LPP: variants seen among roughly 807,000 people sequenced by gnomAD.
LPP encodes the protein lipoma-preferred partner.
In LPP, 38 loss-of-function variants were observed where a neutral mutation model predicts 60.4. The ratio of observed to expected loss-of-function variants is 0.63; its 90% CI spans 0.49 to 0.83. The LOEUF (loss-of-function observed/expected upper bound fraction) is 0.83, where lower values mean the gene tolerates loss of function less well. Among genes scored for constraint, LPP ranks in the 40% least tolerant of loss-of-function variants. The pLI is 0.00. For missense variants in LPP, 902 were observed against 783.6 expected (o/e 1.15, Z -1.80); for synonymous variants, 328 against 290.8 (o/e 1.13, Z -1.30).
intron 9 of LPP, among the ~76,000 whole-genome samples, chr3:188,846,324 G>A (rs1485302837): frequency 1.3e-5 from 2 of 152,186 alleles, no homozygotes; most frequent in East Asian, 3.8e-4. Flanking sequence ...AGACTTTACT[G>A]GTTCAGTCAG....
intron 3 of LPP, among the ~76,000 whole-genome samples, chr3:188,359,731 T>G (rs1357440497): frequency 6.6e-6 from 1 of 152,170 alleles, no homozygotes; most frequent in East Asian, 1.9e-4. Context: ...CAACTTGAGC[T>G]TTTCCCTTGT....
At chr3:188,400,887 C>G (rs1020207386) in intron 3 of LPP, among the ~76,000 whole-genome samples, 1 of 152,166 alleles carries the variant, frequency 6.6e-6, no homozygotes, top group South Asian at 2.1e-4. Flanking sequence ...ATGGGTCTCT[C>G]TTAGAAGCCA....
At chr3:188,259,209 A>C (rs903244568) in intron 2 of LPP, among the ~76,000 whole-genome samples, 4 of 152,202 alleles carry the variant, frequency 2.6e-5, no homozygotes, top group Non-Finnish European at 5.9e-5. Context: ...CATATAAAAG[A>C]ATGGCTTCCA....
intron 7 of LPP, among the ~76,000 whole-genome samples, chr3:188,617,157 C>A (rs1180027322): frequency 1.3e-5 from 2 of 152,198 alleles, no homozygotes; most frequent in African/African-American, 4.8e-5. Context: ...AAATAAGAAC[C>A]TTTCCTCTCC....
intron 7 of LPP, among the ~76,000 whole-genome samples, chr3:188,628,313 G>T: frequency 6.7e-6 from 1 of 149,744 alleles, no homozygotes; most frequent in Middle Eastern, 3.5e-3. Context: ...ACCAAAAGCT[G>T]TTTTTTTTTG....
intron 2 of LPP, among the ~76,000 whole-genome samples, chr3:188,251,111 C>G (rs1263254262): frequency 7.0e-6 from 1 of 143,668 alleles, no homozygotes; most frequent in African/African-American, 2.6e-5. Context: ...CTCTTTCTCT[C>G]TATTTTCCTC....
At chr3:188,672,198 T>C (rs1022665041) in intron 7 of LPP, among the ~76,000 whole-genome samples, 4 of 152,284 alleles carry the variant, frequency 2.6e-5, no homozygotes, top group Admixed American at 6.5e-5. Flanking sequence ...AAAACTCACG[T>C]TTATAATCTT....
At chr3:188,827,736 A>G (rs1755965087) in intron 9 of LPP, among the ~76,000 whole-genome samples, 1 of 152,128 alleles carries the variant, frequency 6.6e-6, no homozygotes, top group Non-Finnish European at 1.5e-5. Context: ...AGCATGTAAC[A>G]GCATTATGGG....
intron 7 of LPP, among the ~76,000 whole-genome samples, chr3:188,680,899 A>T (rs920630308): frequency 5.3e-5 from 8 of 152,242 alleles, no homozygotes; most frequent in African/African-American, 1.9e-4. Context: ...GCATTCATGA[A>T]GACTTTCTGG....
At chr3:188,268,781 G>A (rs1308366397) in intron 2 of LPP, among the ~76,000 whole-genome samples, 1 of 152,080 alleles carries the variant, frequency 6.6e-6, no homozygotes, top group Non-Finnish European at 1.5e-5. Context: ...TTCTCCTCGT[G>A]GCAGGAATAA....
chr3:188,639,566 A>C (rs1196139436), intron 7 of LPP, among the ~76,000 whole-genome samples: 2 of 150,686 alleles, frequency 1.3e-5, no homozygotes, highest in African/African-American at 4.9e-5. Context: ...AACTACCATC[A>C]GAGTGAACAG....
At chr3:188,402,885 T>G (rs1782580744) in intron 3 of LPP, among the ~76,000 whole-genome samples, 1 of 152,078 alleles carries the variant, frequency 6.6e-6, no homozygotes, top group African/African-American at 2.4e-5. Context: ...GTTCACAGAG[T>G]TAGAGACATT....
intron 7 of LPP, among the ~76,000 whole-genome samples, chr3:188,680,083 ATGT>A (rs551700446): frequency 3.3e-4 from 50 of 152,294 alleles, no homozygotes; most frequent in Middle Eastern, 3.4e-3. Flanking sequence ...AGAGGAAAAA[ATGT>A]TGTTTTATTT....
At chr3:188,465,307 T>G (rs906779072) in intron 4 of LPP, among the ~76,000 whole-genome samples, 1 of 152,110 alleles carries the variant, frequency 6.6e-6, no homozygotes, top group Non-Finnish European at 1.5e-5. Flanking sequence ...ATGAGTGGGT[T>G]GGGATTAATA....
chr3:188,162,713 G>C (rs991060477), intron 1 of LPP, among the ~76,000 whole-genome samples: 22 of 152,300 alleles, frequency 1.4e-4, no homozygotes, highest in Non-Finnish European at 2.9e-4. Context: ...ATGCATTTGT[G>C]AGAATCAGGG....
chr3:188,305,719 T>C (rs1482573186), intron 2 of LPP, among the ~76,000 whole-genome samples: 1 of 152,200 alleles, frequency 6.6e-6, no homozygotes, highest in Non-Finnish European at 1.5e-5. Flanking sequence ...TTTTATTGTG[T>C]TATTTGAAGG....
At chr3:188,720,981 C>T (rs1028047141) in intron 8 of LPP, among the ~76,000 whole-genome samples, 1 of 152,080 alleles carries the variant, frequency 6.6e-6, no homozygotes, top group Non-Finnish European at 1.5e-5. Context: ...TCCTAGTCAC[C>T]CTTAGGGTCA....
intron 9 of LPP, among the ~76,000 whole-genome samples, chr3:188,844,116 A>G (rs111943145): frequency 0.011 from 1,668 of 152,302 alleles, 37 homozygotes; most frequent in African/African-American, 0.038. Context: ...TCATACTTCA[A>G]AACTGCACTA....
At chr3:188,362,448 A>G (rs1769738892) in intron 3 of LPP, among the ~76,000 whole-genome samples, 1 of 152,046 alleles carries the variant, frequency 6.6e-6, no homozygotes, top group South Asian at 2.1e-4. Flanking sequence ...TCTCTCTCCT[A>G]CACCGTTGCC....
Sources: allele counts gnomAD v4.1 joint callset (sites outside exome capture counted in the v4.1 genomes callset), GRCh38; gene constraint gnomAD v4.1.1; transcripts MANE v1.5; gene names NCBI Gene and HGNC (gene_info 2026-07-23, HGNC 2026-07-21).